The following CTNNA1 variants were observed in gnomAD, a reference collection of about 807,000 sequenced individuals.
The protein encoded by CTNNA1 is catenin alpha-1.
A neutral mutation model predicts 98.4 loss-of-function variants in CTNNA1; 37 were observed. The observed-to-expected ratio is 0.38, with a 90% CI of 0.29 to 0.49. CTNNA1 has a LOEUF of 0.49. Among genes scored for constraint, CTNNA1 ranks in the 20% least tolerant of loss-of-function variants. CTNNA1 has a pLI of 0.95. For missense variants in CTNNA1, 761 were observed against 1,147.2 expected, an observed-to-expected ratio of 0.66 and a Z score of 4.86; for synonymous variants, 404 against 413.2, an observed-to-expected ratio of 0.98 and a Z score of 0.27.
chr5:138,847,978 C>G (rs1180708848), intron 7 of CTNNA1, among the ~76,000 whole-genome samples: 2 of 152,186 alleles, frequency 1.3e-5, no homozygotes, highest in Non-Finnish European at 2.9e-5. Context: ...AGTGGCACCT[C>G]TGTTTCTTTA....
rs12188426 is a variant in CTNNA1, at chr5:138,776,023, G to C, written c.-2-5900G>C. On this transcript the variant is annotated intron_variant, in intron 1 of 17. Coordinates refer to ENST00000302763, the MANE Select transcript of CTNNA1 (RefSeq NM_001903.5). ...TTACAGGTGTGAGCCACCATGCCCG[G>C]CCTCTGGAAATGTTTCTTTTTTTTT... Among the ~76,000 whole-genome samples the C allele has an allele frequency of 4.3e-3, 628 of 146,642 alleles. 7 individuals are homozygous for C. The highest frequency in any genetic ancestry group is 3.0e-3 in the Non-Finnish European group (200 of 67,120).
chr5:138,806,752 A>G (rs1450893325), intron 3 of CTNNA1, among the ~76,000 whole-genome samples: 2 of 151,922 alleles, frequency 1.3e-5, no homozygotes, highest in African/African-American at 4.8e-5. Context: ...CCTAATTAAT[A>G]TATGAATTAT....
chr5:138,846,551 A>G (rs1216186940), intron 7 of CTNNA1, among the ~76,000 whole-genome samples: 2 of 152,182 alleles, frequency 1.3e-5, no homozygotes, highest in African/African-American at 4.8e-5. Context: ...CATGAAGTAA[A>G]GAGTATTTTT....
intron 1 of CTNNA1, among the ~76,000 whole-genome samples, chr5:138,781,592 T>G (rs1037417332): frequency 9.2e-5 from 14 of 152,036 alleles, no homozygotes; most frequent in African/African-American, 3.4e-4. Context: ...TTCATTCACT[T>G]TAGCTTTTCA....
intron 1 of CTNNA1, among the ~76,000 whole-genome samples, chr5:138,770,074 A>G (rs1328214140): frequency 2.6e-5 from 4 of 152,018 alleles, no homozygotes; most frequent in Admixed American, 2.0e-4. Context: ...ATCTCAAGTG[A>G]TCCGCCTGCC....
At chr5:138,896,486 A>G (rs1037885071) in intron 9 of CTNNA1, among the ~76,000 whole-genome samples, 14 of 152,194 alleles carry the variant, frequency 9.2e-5, no homozygotes, top group Non-Finnish European at 1.5e-4. Context: ...TGACCGCCTC[A>G]TACTGCACTT....
At chr5:138,867,747 C>CT (rs67829407) in intron 7 of CTNNA1, among the ~76,000 whole-genome samples, 2,444 of 144,096 alleles carry the variant, frequency 0.017, 50 homozygotes, top group African/African-American at 0.05. Flanking sequence ...TTCTTTCTTT[C>CT]TTTTTTTTTT....
At chr5:138,930,397 G>A (rs1287835719) in intron 14 of CTNNA1, 76 bp from the exon 15 acceptor site, 31 of 1,087,530 alleles carry the variant, frequency 2.9e-5, no homozygotes, top group Non-Finnish European at 3.8e-5. Context: ...TTGCCTGTTG[G>A]AAATATTCTT....
intron 7 of CTNNA1, among the ~76,000 whole-genome samples, chr5:138,882,946 A>T (rs1753251891): frequency 6.6e-6 from 1 of 152,210 alleles, no homozygotes; most frequent in Admixed American, 6.5e-5. Flanking sequence ...CTCCTGTCTC[A>T]GCCTCCCGAG....
intron 9 of CTNNA1, among the ~76,000 whole-genome samples, chr5:138,900,702 A>G (rs958328266): frequency 2.0e-5 from 3 of 152,168 alleles, no homozygotes; most frequent in African/African-American, 7.2e-5. Context: ...AAAGACTGAA[A>G]AAGTTGTCTG....
chr5:138,783,459 C>T (rs1337530123), intron 3 of CTNNA1, 87 bp downstream of exon 3: 56 of 1,118,668 alleles, frequency 5.0e-5, no homozygotes, highest in Non-Finnish European at 6.7e-5. Flanking sequence ...TCAGTATTCT[C>T]ATTCTTATGC....
intron 7 of CTNNA1, among the ~76,000 whole-genome samples, chr5:138,838,979 GTCT>G (rs1376543247): frequency 6.6e-6 from 1 of 151,816 alleles, no homozygotes; most frequent in Admixed American, 6.6e-5. Flanking sequence ...TTTTCCTCGA[GTCT>G]TCTTCTTTGA....
chr5:138,758,785 C>T (rs1437606578), intron 1 of CTNNA1, among the ~76,000 whole-genome samples: 1 of 151,986 alleles, frequency 6.6e-6, no homozygotes, highest in African/African-American at 2.4e-5. Flanking sequence ...AGTAGGTCTT[C>T]CATCTGGTCT....
At chr5:138,799,332 G>A (rs899390639) in intron 3 of CTNNA1, among the ~76,000 whole-genome samples, 1 of 151,758 alleles carries the variant, frequency 6.6e-6, no homozygotes, top group Non-Finnish European at 1.5e-5. Context: ...GGCTAATTTT[G>A]TACTTTTAGT....
intron 7 of CTNNA1, chr5:138,875,717 A>T (rs1369232482): frequency 3.0e-6 from 3 of 985,320 alleles, no homozygotes; most frequent in Non-Finnish European, 3.6e-6. Flanking sequence ...TGAAGTGCTG[A>T]TTTAACACCA....
intron 3 of CTNNA1, among the ~76,000 whole-genome samples, chr5:138,800,387 A>G (rs1199120790): frequency 6.6e-6 from 1 of 152,186 alleles, no homozygotes; most frequent in East Asian, 1.9e-4. Flanking sequence ...GAAGAATTTA[A>G]TGCCAGCAAG....
At chr5:138,884,973 T>C (rs908273060) in intron 7 of CTNNA1, among the ~76,000 whole-genome samples, 3 of 152,228 alleles carry the variant, frequency 2.0e-5, no homozygotes, top group African/African-American at 7.2e-5. Flanking sequence ...GCTTAAGGAA[T>C]GAGACCATAA....
At chr5:138,817,710 T>C (rs540434408) in intron 5 of CTNNA1, among the ~76,000 whole-genome samples, 1 of 152,288 alleles carries the variant, frequency 6.6e-6, no homozygotes, top group South Asian at 2.1e-4. Context: ...AACTTTCTAT[T>C]GTATTTTTTA....
Position 138,864,358 on chromosome 5 carries a change from GACCA to G in CTNNA1, c.1063-21853_1063-21850del, listed in dbSNP as rs1764548971. Among the ~76,000 whole-genome samples, 5 of 152,230 alleles carry G rather than the reference GACCA, an allele frequency of 3.3e-5. No homozygotes were observed. In the South Asian group the frequency reaches 1.0e-3, roughly 32 times the overall value. On this transcript the variant is annotated intron_variant, in intron 7 of 17. Coordinates refer to ENST00000302763, the MANE Select transcript of CTNNA1 (RefSeq NM_001903.5). ...TTGGGAAAGTTACAAATCTTATTATGACCATTGGCTAAGTGACTCCTGAGCAGTA... is the reference window on the plus strand; with the variant it reads ...TTGGGAAAGTTACAAATCTTATTATGTTGGCTAAGTGACTCCTGAGCAGTA...
Sources: allele counts gnomAD v4.1 joint callset (sites outside exome capture counted in the v4.1 genomes callset), GRCh38; gene constraint gnomAD v4.1.1; transcripts MANE v1.5; gene names NCBI Gene and HGNC (gene_info 2026-07-23, HGNC 2026-07-21).